Variants in NAALADL2 observed in about 807,000 individuals in gnomAD.
NAALADL2 encodes N-acetylated alpha-linked acidic dipeptidase like 2, also known as inactive N-acetylated-alpha-linked acidic dipeptidase-like protein 2.
A neutral mutation model predicts 87.2 loss-of-function variants in NAALADL2; 76 were observed. The observed-to-expected ratio is 0.87, with a 90% confidence interval of 0.72 to 1.05. NAALADL2 has a LOEUF of 1.05. Ranked by LOEUF, NAALADL2 falls within the 50% of genes least tolerant of loss-of-function variation. NAALADL2 has a pLI of 0.00. For missense variants in NAALADL2, 1,089 were observed against 945.8 expected, an observed-to-expected ratio of 1.15 and a Z score of -1.99; for synonymous variants, 354 against 331.0, an observed-to-expected ratio of 1.07 and a Z score of -0.75.
At chr3:175,549,168 C>A (rs1713897682) in intron 9 of NAALADL2, among the ~76,000 whole-genome samples, 1 of 151,418 alleles carries the variant, frequency 6.6e-6, no homozygotes, top group East Asian at 1.9e-4. Flanking sequence ...TTGTTTTATT[C>A]TTTCATTGTG....
In NAALADL2 at chr3:175,363,603, G is replaced by A. The variant is rs556042389; in HGVS notation, c.1090+39278G>A. Among the ~76,000 whole-genome samples the A allele has an allele frequency of 1.8e-4, 27 of 147,554 alleles. 5 individuals carry two copies. Among genetic ancestry groups the A allele is most frequent in the South Asian group, 4.4e-4 (2 of 4,526 alleles). ...TTTCCCTTGGTTCAACTAAACACAC[G>A]CATACACATAAACATGCATGTACCT... On this transcript the variant is annotated intron_variant, in intron 5 of 13. Coordinates refer to ENST00000454872, the MANE Select transcript of NAALADL2 (RefSeq NM_207015.3).
At position 175,467,074 on chromosome 3, in the gene NAALADL2, C is replaced by A. The variant is rs369127393; in HGVS notation, c.1423C>A (p.Arg475Ser). Residue 475 changes from arginine to serine, a missense_variant, in exon 8 of 14, where the codon CGT becomes AGT. By Grantham distance (110) the Arg-to-Ser change is moderately radical. Coordinates refer to ENST00000454872, the MANE Select transcript of NAALADL2 (RefSeq NM_207015.3). ...SSTAIITAFI[R>S]ALMSKVKRGW... ...TACTGCAATAATCACAGCGTTTATC[C>A]GTGCCTTGATGTCAAAAGTTAAGAG... 6.2e-7 allele frequency: 1 copy of A among 1,613,734 alleles called. No individual in the cohort carries two copies. The highest frequency in any genetic ancestry group is 1.3e-5 in the African/African-American group (1 of 75,010).
intron 2 of NAALADL2, among the ~76,000 whole-genome samples, chr3:175,156,510 T>A (rs1385511096): frequency 6.6e-6 from 1 of 152,128 alleles, no homozygotes; most frequent in Non-Finnish European, 1.5e-5. Flanking sequence ...TCGTCACAGC[T>A]TTGAAAGGTA....
chr3:175,502,228 G>GGTGTGTGT (rs3040528), intron 9 of NAALADL2, among the ~76,000 whole-genome samples: 2,103 of 147,368 alleles, frequency 0.014, 55 homozygotes, highest in African/African-American at 0.049. Context: ...CATTATCCTG[G>GGTGTGTGT]GTGTGTGTGT....
chr3:174,467,864 T>A, intron 1 of NAALADL2, among the ~76,000 whole-genome samples: 1 of 152,218 alleles, frequency 6.6e-6, no homozygotes, highest in East Asian at 1.9e-4. Context: ...ACAGAATTAT[T>A]AATAAATATG....
chr3:174,916,897 A>G (rs1394488119), intron 1 of NAALADL2, among the ~76,000 whole-genome samples: 1 of 152,126 alleles, frequency 6.6e-6, no homozygotes, highest in Non-Finnish European at 1.5e-5. Context: ...AAGAGATTTA[A>G]AGTGCAAAAT....
At chr3:175,432,305 C>T (rs1717891865) in intron 5 of NAALADL2, among the ~76,000 whole-genome samples, 1 of 152,004 alleles carries the variant, frequency 6.6e-6, no homozygotes, top group South Asian at 2.1e-4. Context: ...TTACTGTTTT[C>T]CTTGTGAATA....
chr3:175,148,164 A>G (rs1003741515), intron 2 of NAALADL2, among the ~76,000 whole-genome samples: 6 of 150,184 alleles, frequency 4.0e-5, no homozygotes, highest in Non-Finnish European at 5.9e-5. Flanking sequence ...ATGAAATGCT[A>G]TCTCATTGTG....
intron 2 of NAALADL2, among the ~76,000 whole-genome samples, chr3:174,650,312 A>G (rs1479217462): frequency 6.6e-6 from 1 of 152,148 alleles, no homozygotes; most frequent in Non-Finnish European, 1.5e-5. Flanking sequence ...TCCATGGAAA[A>G]GGTGATCAAA....
intron 2 of NAALADL2, among the ~76,000 whole-genome samples, chr3:174,659,580 G>T (rs1354181414): frequency 3.3e-5 from 5 of 152,100 alleles, no homozygotes; most frequent in African/African-American, 1.2e-4. Flanking sequence ...CTGCCCTGCT[G>T]TAATCCCTGT....
At chr3:175,213,559 G>C (rs1259921064) in intron 2 of NAALADL2, among the ~76,000 whole-genome samples, 1 of 152,076 alleles carries the variant, frequency 6.6e-6, no homozygotes, top group Non-Finnish European at 1.5e-5. Flanking sequence ...ATCTGCTCTT[G>C]ACCTGGGAAA....
In NAALADL2 at chr3:175,035,297, A is replaced by G. The variant is rs146203722; in HGVS notation, c.44-61493A>G. Among the ~76,000 whole-genome samples the G allele has an allele frequency of 2.8e-3, 429 of 152,294 alleles. 1 individual carries two copies. Among genetic ancestry groups the G allele is most frequent in the African/African-American group, 9.6e-3 (398 of 41,580 alleles). ...ACTTAAAGTAGCTTCCAATGAGGAT[A>G]AGCATTGATGTGTGTCTGAGGGATA... is the stretch of plus-strand genomic sequence containing the variant. On this transcript the variant is annotated intron_variant, in intron 1 of 13. Coordinates refer to ENST00000454872, the MANE Select transcript of NAALADL2 (RefSeq NM_207015.3).
chr3:175,751,509 C>T (rs562481689), intron 12 of NAALADL2, among the ~76,000 whole-genome samples: 20 of 151,942 alleles, frequency 1.3e-4, no homozygotes, highest in Non-Finnish European at 2.9e-4. Context: ...TACAAACTTG[C>T]GTAAATAGTG....
At chr3:175,738,299 G>A (rs1326688349) in intron 12 of NAALADL2, among the ~76,000 whole-genome samples, 1 of 151,586 alleles carries the variant, frequency 6.6e-6, no homozygotes, top group African/African-American at 2.4e-5. Flanking sequence ...CCAGGCTGGA[G>A]TGCAGTGGTG....
rs1457399627 is a variant in NAALADL2, at chr3:175,371,219, G to C, written c.1090+46894G>C. Among the ~76,000 whole-genome samples the C allele has an allele frequency of 2.6e-5, 4 of 151,890 alleles. No individual in the cohort carries two copies. The East Asian group carries it at 7.7e-4, about 29-fold the overall frequency. On this transcript the variant is annotated intron_variant, in intron 5 of 13. Transcript: ENST00000454872. ...ATTGGTAATGCTTTGAAAAATGCTG[G>C]ATTTAGAATTATGAAGAGACTATCA... is the stretch of plus-strand genomic sequence containing the variant.
At chr3:175,520,393 G>T (rs1025687474) in intron 9 of NAALADL2, among the ~76,000 whole-genome samples, 4 of 146,260 alleles carry the variant, frequency 2.7e-5, no homozygotes, top group Admixed American at 1.4e-4. Flanking sequence ...CCGCTTCCCG[G>T]GTTCACGCCA....
chr3:175,447,007 G>A (rs115750234), intron 5 of NAALADL2, among the ~76,000 whole-genome samples: 1 of 152,048 alleles, frequency 6.6e-6, no homozygotes, highest in Non-Finnish European at 1.5e-5. Flanking sequence ...TGTGCAATCT[G>A]CCATCTTTAA....
intron 1 of NAALADL2, among the ~76,000 whole-genome samples, chr3:174,462,357 C>T (rs1297433525): frequency 3.9e-5 from 6 of 151,996 alleles, no homozygotes; most frequent in Admixed American, 1.3e-4. Context: ...AATACATAAC[C>T]ATTAGTTTTC....
chr3:174,471,624 AG>A (rs1716913299), intron 1 of NAALADL2, among the ~76,000 whole-genome samples: 1 of 152,094 alleles, frequency 6.6e-6, no homozygotes, highest in African/African-American at 2.4e-5. Context: ...TATAAAAATA[AG>A]GCCTCTGCAA....
Sources: allele counts gnomAD v4.1 joint callset (sites outside exome capture counted in the v4.1 genomes callset), GRCh38; gene constraint gnomAD v4.1.1; transcripts MANE v1.5; gene names NCBI Gene and HGNC (gene_info 2026-07-23, HGNC 2026-07-21).